The following PROM2 variants were observed in gnomAD, a reference collection of about 807,000 sequenced individuals.
The protein encoded by PROM2 is prominin 2, also known as prominin-2.
PROM2 carries 90 observed loss-of-function variants against 110.2 expected under a neutral mutation model. That is an observed-to-expected ratio of 0.82 (90% CI 0.69 to 0.97). The LOEUF is 0.97. PROM2 is among the 50% of genes least tolerant of loss of function. The probability of loss-of-function intolerance (pLI) is 0.00; values close to 1 mark genes in which losing one functional copy is unlikely to be tolerated. For missense variants in PROM2, 1,009 were observed against 1,074.8 expected (o/e 0.94, Z 0.86); for synonymous variants, 470 against 467.8 (o/e 1.00, Z -0.06).
At chr2:95,287,502 T>G (rs761073490) in intron 20 of PROM2, 38 bp downstream of exon 20, 1 of 1,598,458 alleles carries the variant, frequency 6.3e-7, no homozygotes, top group Non-Finnish European at 8.6e-7. Flanking sequence ...GATTCCCTGC[T>G]CCATCGGACC....
chr2:95,288,979 AC>A lies in PROM2; in HGVS notation c.2490del (p.Ser831ProfsTer2). The A allele has an allele frequency of 6.2e-7, 1 of 1,611,218 alleles. No homozygotes were observed. On this transcript the variant is annotated frameshift_variant, in exon 23 of 24. Coordinates refer to ENST00000317620, the MANE Select transcript of PROM2 (RefSeq NM_001165978.3). LOFTEE classifies it high-confidence loss of function. Reference protein sequence around the residue: ...ETQLFHIPRVTSLKL With the variant: ...ETQLFHIPRVXSLKL ...TCAGCTCTTCCACATCCCCCGGGTT[AC>A]CTCCCTGAAGCTGTAGGGCCTTGTG...
rs777320205 is a variant in PROM2, at chr2:95,276,689, G to T, written c.682+32G>T. 4.3e-6 allele frequency: 7 copies of T among 1,609,890 alleles called. No homozygotes were observed. Among genetic ancestry groups the T allele is most frequent in the African/African-American group, 2.7e-5 (2 of 74,886 alleles). On this transcript the variant is annotated intron_variant, in intron 5 of 23. Transcript: ENST00000317620. This position sits in a 1 kb window ranked among gnomAD's most constrained non-coding sequence, Gnocchi z 4.6. Reference sequence around the variant, plus strand: ...GTCTCGGGGACTGGCAGGTGGGCTGGCTCCTTCCAGGGCCCCTGCTCGGGT... The same window carrying T: ...GTCTCGGGGACTGGCAGGTGGGCTGTCTCCTTCCAGGGCCCCTGCTCGGGT...
Position 95,276,073 on chromosome 2 carries a change from G to C in PROM2, c.438G>C (p.Ala146=), listed in dbSNP as rs368529760. The C allele has an allele frequency of 6.2e-7, 1 of 1,611,170 alleles. No individual in the cohort carries two copies. Among genetic ancestry groups the C allele is most frequent in the South Asian group, 1.1e-5 (1 of 91,058 alleles). The part of the protein sequence containing the change: ...CGGRVKTEHK[A]LACERAALMV... Reference sequence around the variant, plus strand: ...GACGAGTGAAGACAGAGCACAAGGCGCTGGCCTGTGAGCGCGCGGCCCTCA... The same window carrying C: ...GACGAGTGAAGACAGAGCACAAGGCCCTGGCCTGTGAGCGCGCGGCCCTCA... The change falls in exon 3 of 24, where the codon GCG becomes GCC. Residue 146 remains alanine (A), a synonymous_variant. Coordinates refer to ENST00000317620, the MANE Select transcript of PROM2 (RefSeq NM_001165978.3). The surrounding 1 kb of genome is among the most constrained non-coding windows in gnomAD (Gnocchi z 4.6).
At chr2:95,288,371 G>A (rs1174613227) in intron 21 of PROM2, 71 bp downstream of exon 21, 3 of 1,593,242 alleles carry the variant, frequency 1.9e-6, no homozygotes, top group South Asian at 1.1e-5. Context: ...GGAGGGCCGG[G>A]TGAGCAGGGT....
intron 11 of PROM2, among the ~76,000 whole-genome samples, chr2:95,280,232 C>T (rs1676970753): frequency 6.6e-6 from 1 of 152,168 alleles, no homozygotes; most frequent in African/African-American, 2.4e-5. Context: ...AGTCCCTACC[C>T]CAGCTTCCAG....
chr2:95,287,441 T>C lies in PROM2; in HGVS notation c.2221T>C (p.Tyr741His), dbSNP rs761103774. The C allele has an allele frequency of 6.2e-7, 1 of 1,614,022 alleles. No homozygotes were observed. The highest frequency in any genetic ancestry group is 1.7e-5 in the Admixed American group (1 of 60,014). The change falls in exon 20 of 24, where the codon TAC (tyrosine) becomes CAC (histidine). Residue 741 changes from tyrosine to histidine, a missense_variant. Tyr to His is a moderately conservative substitution (Grantham distance 83). Coordinates refer to ENST00000317620, the MANE Select transcript of PROM2 (RefSeq NM_001165978.3). ...LAREMGYFSQ[Y>H]VAWVREEVTQ... ...CCGGGAGATGGGCTACTTCTCCCAG[T>C]ACGTGGCCTGGGTGAGAGAGGAGGT...
chr2:95,279,895 G>A lies in PROM2; in HGVS notation c.1325G>A (p.Cys442Tyr), dbSNP rs776762440. The A allele has an allele frequency of 6.4e-6, 10 of 1,559,278 alleles. No individual in the cohort carries two copies. The highest frequency in any genetic ancestry group is 1.7e-6 in the Non-Finnish European group (2 of 1,150,648). ...TCCGTGGTCCTATTCGTGGTGCTCT[G>A]CAACCTGCTGGGCCTCAATCTGGGC... ...LCSVVLFVVL[C>Y]NLLGLNLGIW... is the part of the protein sequence containing the mutation. The change falls in exon 11 of 24, where the codon TGC (cysteine) becomes TAC (tyrosine). Residue 442 changes from cysteine (C) to tyrosine (Y), a missense_variant. Cys to Tyr is a radical substitution (Grantham distance 194). Coordinates refer to ENST00000317620, the MANE Select transcript of PROM2 (RefSeq NM_001165978.3).
intron 18 of PROM2, 84 bp downstream of exon 18, chr2:95,286,941 C>G (rs936456778): frequency 1.3e-6 from 2 of 1,483,844 alleles, no homozygotes; most frequent in African/African-American, 2.8e-5. Context: ...CACTCTGCAC[C>G]TCAGAGCTCT....
Position 95,278,796 on chromosome 2 carries a change from C to G in PROM2, c.1114+12C>G. The stretch of plus-strand genomic sequence containing the variant: ...CAGCGTGGTGCAAGGTTAGGCCACA[C>G]GGGTCAGAGGCAGCTGCCAGGCATG... On this transcript the variant is annotated intron_variant, in intron 9 of 23. Coordinates refer to ENST00000317620, the MANE Select transcript of PROM2 (RefSeq NM_001165978.3). 3.1e-6 allele frequency: 5 copies of G among 1,613,978 alleles called. No homozygotes were observed. Among genetic ancestry groups the G allele is most frequent in the Non-Finnish European group, 4.2e-6 (5 of 1,179,976 alleles).
At chr2:95,279,799 C>T in intron 10 of PROM2, 46 bp from the exon 11 acceptor site, 2 of 1,372,164 alleles carry the variant, frequency 1.5e-6, no homozygotes, top group South Asian at 2.1e-5. Context: ...CATGTTGGTG[C>T]CAGCCACCTC....
At position 95,282,019 on chromosome 2, in the gene PROM2, G is replaced by A; in HGVS notation, c.1643+3G>A. 1 of 1,614,018 alleles carries A rather than the reference G, an allele frequency of 6.2e-7. No individual in the cohort carries two copies. The highest frequency in any genetic ancestry group is 8.5e-7 in the Non-Finnish European group (1 of 1,179,884). On this transcript the variant is annotated splice_donor_region_variant and intron_variant, in intron 13 of 23. Coordinates refer to ENST00000317620, the MANE Select transcript of PROM2 (RefSeq NM_001165978.3). ...ATCAGCATCCACCAAGCCTATCAGT[G>A]AGTGGACAGCCTGGGCAGAGCTGGG...
chr2:95,276,790 G>T lies in PROM2; in HGVS notation c.682+133G>T. On this transcript the variant is annotated intron_variant, in intron 5 of 23. Coordinates refer to ENST00000317620, the MANE Select transcript of PROM2 (RefSeq NM_001165978.3). The surrounding 1 kb of genome is among the most constrained non-coding windows in gnomAD (Gnocchi z 4.6). ...GCTGGTAGAGGTGGGGATCAGGCCG[G>T]CTGGAGAGCAAGAGTGGCCGCCACT... 1 of 1,178,366 alleles carries T rather than the reference G, an allele frequency of 8.5e-7. No homozygotes were observed. Among genetic ancestry groups the T allele is most frequent in the East Asian group, 2.5e-5 (1 of 39,298 alleles). The allele number at this position is 1,178,366 out of a possible 1,614,324, so 73.0% of individuals were successfully genotyped here. A position where few individuals can be genotyped will look rare whatever the true frequency, so the allele number is the denominator to read the frequency against.
chr2:95,281,294 G>T lies in PROM2; in HGVS notation c.1480G>T (p.Ala494Ser), dbSNP rs142421342. 2.8e-5 allele frequency: 45 copies of T among 1,613,294 alleles called. No individual in the cohort carries two copies. The East Asian group carries it at 8.0e-4, about 29-fold the overall frequency. The change falls in exon 12 of 24, where the codon GCC (alanine) becomes TCC (serine). Residue 494 changes from alanine to serine, a missense_variant. Transcript: ENST00000317620. ...TGCACCCCTCATCCTCCTGGTGTTC[G>T]CCACCTTCCTGGTGGGTGGCAACGT... ...FAAPLILLVF[A>S]TFLVGGNVQT...
Position 95,289,454 on chromosome 2 carries a change from C to A in PROM2, c.*241C>A, listed in dbSNP as rs1269963844. ...CTGTGCAGCTGCAGAGCCAGCAAGT[C>A]CCTCCAGGTGTCACCCCTTACCCCC... On this transcript the variant is annotated 3_prime_UTR_variant, in exon 24 of 24. Coordinates refer to ENST00000317620, the MANE Select transcript of PROM2 (RefSeq NM_001165978.3). 1 of 185,976 alleles carries A rather than the reference C, an allele frequency of 5.4e-6. No homozygotes were observed. The highest frequency in any genetic ancestry group is 1.1e-5 in the Non-Finnish European group (1 of 89,040). The allele number at this position is 185,976 out of a possible 1,614,324, so 11.5% of individuals were successfully genotyped here.
In PROM2 at chr2:95,275,519, G is replaced by C. The variant is rs1676594799; in HGVS notation, c.294+9G>C. Reference sequence around the variant, plus strand: ...CCGTGAAGGTGAATGAGGTGAGCAAGCTGGGGAAAGGTGCTGGGGGAGGGA... The same window carrying C: ...CCGTGAAGGTGAATGAGGTGAGCAACCTGGGGAAAGGTGCTGGGGGAGGGA... On this transcript the variant is annotated intron_variant, in intron 2 of 23. Coordinates refer to ENST00000317620, the MANE Select transcript of PROM2 (RefSeq NM_001165978.3). This position sits in a 1 kb window ranked among gnomAD's most constrained non-coding sequence, Gnocchi z 4.4. 7 of 1,613,694 alleles carry C rather than the reference G, an allele frequency of 4.3e-6. No individual in the cohort carries two copies. Among genetic ancestry groups the C allele is most frequent in the Non-Finnish European group, 5.9e-6 (7 of 1,179,870 alleles).
At chr2:95,282,266 G>C in intron 14 of PROM2, 40 bp downstream of exon 14, 2 of 1,482,610 alleles carry the variant, frequency 1.3e-6, no homozygotes, top group Non-Finnish European at 1.9e-6. Context: ...GCCCTCCTCA[G>C]ATCCCCCTCC....
chr2:95,278,255 G>A, intron 8 of PROM2: 3 of 576,810 alleles, frequency 5.2e-6, no homozygotes, highest in Non-Finnish European at 3.1e-6. Context: ...TGAGCCCAGA[G>A]GGCAGGCGGC....
rs1246761130 is a variant in PROM2, at chr2:95,276,122, C to G, written c.487C>G (p.Leu163Val). 1.2e-6 allele frequency: 2 copies of G among 1,611,874 alleles called. No individual in the cohort carries two copies. Among genetic ancestry groups the G allele is most frequent in the Non-Finnish European group, 1.7e-6 (2 of 1,179,514 alleles). ...ALMVFLLLTT[L>V]LLLIGVVCAF... ...CATGGTCTTCCTGCTGCTGACCACC[C>G]TCTTGCTGCTGTAAGGCGCTGCCCA... The change falls in exon 3 of 24, where the codon CTC (leucine) becomes GTC (valine). Residue 163 changes from leucine to valine, a missense_variant. Coordinates refer to ENST00000317620, the MANE Select transcript of PROM2 (RefSeq NM_001165978.3). This position sits in a 1 kb window ranked among gnomAD's most constrained non-coding sequence, Gnocchi z 4.6.
chr2:95,288,174 G>A, intron 20 of PROM2, 37 bp from the exon 21 acceptor site: 1 of 1,604,454 alleles, frequency 6.2e-7, no homozygotes, highest in South Asian at 1.1e-5. Flanking sequence ...GTGGGTCCAG[G>A]TGTCTCTGCA....
Sources: allele counts gnomAD v4.1 joint callset (sites outside exome capture counted in the v4.1 genomes callset), GRCh38; gene constraint gnomAD v4.1.1; non-coding constraint Gnocchi (gnomAD v3.1); transcripts MANE v1.5; gene names NCBI Gene and HGNC (gene_info 2026-07-23, HGNC 2026-07-21).